The following CNNM2 variants were observed in gnomAD, a reference collection of about 807,000 sequenced individuals.
CNNM2 encodes cyclin and CBS domain divalent metal cation transport mediator 2.
A neutral mutation model predicts 66.9 loss-of-function variants in CNNM2; 12 were observed. The observed-to-expected ratio is 0.18, with a 90% CI of 0.11 to 0.29. The LOEUF (loss-of-function observed/expected upper bound fraction) is 0.29. CNNM2 is among the 10% of genes least tolerant of loss of function. The pLI, the probability that CNNM2 is intolerant of heterozygous loss-of-function variation, is 1.00. For missense variants in CNNM2, 705 were observed against 1,167.7 expected, an observed-to-expected ratio of 0.60 and a Z score of 5.77; for synonymous variants, 557 against 501.8, an observed-to-expected ratio of 1.11 and a Z score of -1.47.
intron 1 of CNNM2, among the ~76,000 whole-genome samples, chr10:103,013,768 G>C (rs919767469): frequency 6.6e-6 from 1 of 152,210 alleles, no homozygotes; most frequent in Non-Finnish European, 1.5e-5. Flanking sequence ...GATTGAATGA[G>C]TTAAGGTTGT....
chr10:102,968,329 C>G (rs2063497326), intron 1 of CNNM2, among the ~76,000 whole-genome samples: 1 of 152,138 alleles, frequency 6.6e-6, no homozygotes, highest in Admixed American at 6.6e-5. Context: ...TGACTGTAAC[C>G]TCTGCCTCCT....
intron 1 of CNNM2, among the ~76,000 whole-genome samples, chr10:102,950,981 C>CTTTTTTTTTTTT (rs34870588): frequency 1.2e-5 from 1 of 80,458 alleles, no homozygotes; most frequent in African/African-American, 5.0e-5. Context: ...CTTTCTTTCT[C>CTTTTTTTTTTTT]TTTTTTTTTT....
At chr10:102,932,656 G>A (rs752928105) in intron 1 of CNNM2, among the ~76,000 whole-genome samples, 14 of 152,062 alleles carry the variant, frequency 9.2e-5, no homozygotes, top group Admixed American at 3.9e-4. Context: ...GGTGGCTCAC[G>A]CCTGTAATCC....
At chr10:102,983,868 C>T (rs762996476) in intron 1 of CNNM2, among the ~76,000 whole-genome samples, 17 of 151,926 alleles carry the variant, frequency 1.1e-4, no homozygotes, top group East Asian at 5.8e-4. Context: ...CAGGTTTGAG[C>T]GATCCTCCTG....
At chr10:102,957,593 G>C (rs1333209488) in intron 1 of CNNM2, among the ~76,000 whole-genome samples, 1 of 152,130 alleles carries the variant, frequency 6.6e-6, no homozygotes, top group Non-Finnish European at 1.5e-5. Flanking sequence ...TGTTTTTATA[G>C]TTGTCCGACT....
At chr10:103,073,504 G>A (rs2134367345) in intron 6 of CNNM2, among the ~76,000 whole-genome samples, 2 of 152,332 alleles carry the variant, frequency 1.3e-5, no homozygotes, top group South Asian at 4.1e-4. Flanking sequence ...GTCACTGCAT[G>A]TGCAAAACCT....
rs370000130 is a variant in CNNM2, at chr10:103,018,686, C to CTT, written c.1622-31001_1622-31000dup. On this transcript the variant is annotated intron_variant, in intron 1 of 7. Transcript: ENST00000369878. Reference sequence around the variant, plus strand: ...AGCAAGGTAAATATACTCTTCTTTCCTTTTTTTTTTTTTTTTTTTTTGAGA... The same window carrying CTT: ...AGCAAGGTAAATATACTCTTCTTTCCTTTTTTTTTTTTTTTTTTTTTTTGAGA... Among the ~76,000 whole-genome samples the CTT allele has an allele frequency of 4.0e-4, 47 of 116,270 alleles. 1 individual carries two copies. Among genetic ancestry groups the CTT allele is most frequent in the Middle Eastern group, 5.6e-3 (1 of 180 alleles). The allele number at this position is 116,270 out of a possible 152,430, so 76.3% of individuals were successfully genotyped here.
At chr10:102,932,095 T>C (rs1300967771) in intron 1 of CNNM2, among the ~76,000 whole-genome samples, 1 of 152,228 alleles carries the variant, frequency 6.6e-6, no homozygotes, top group Admixed American at 6.5e-5. Flanking sequence ...GTCAGATATA[T>C]GATTTGCAAA....
intron 4 of CNNM2, among the ~76,000 whole-genome samples, chr10:103,059,900 G>A (rs1400474723): frequency 6.6e-6 from 1 of 152,196 alleles, no homozygotes; most frequent in Admixed American, 6.5e-5. Context: ...CCAGAACTTT[G>A]GGAGGTCAAG....
In CNNM2 at chr10:103,034,118, A is replaced by AT. The variant is rs1364052773; in HGVS notation, c.1622-15583dup. 3.3e-5 allele frequency among the ~76,000 whole-genome samples: 5 copies of AT among 151,956 alleles called. No individual in the cohort carries two copies. In the East Asian group the frequency reaches 9.7e-4, roughly 29 times the overall value. On this transcript the variant is annotated intron_variant, in intron 1 of 7. Transcript: ENST00000369878. Reference sequence around the variant, plus strand: ...TTAATTTTCCTTCTAATATCCAGAGATTTTTTGGGAGGGGGATAATCTTGA... The same window carrying AT: ...TTAATTTTCCTTCTAATATCCAGAGATTTTTTTGGGAGGGGGATAATCTTGA...
At chr10:103,032,004 AAGCCTGC>A (rs1193638283) in intron 1 of CNNM2, among the ~76,000 whole-genome samples, 1 of 152,246 alleles carries the variant, frequency 6.6e-6, no homozygotes, top group African/African-American at 2.4e-5. Context: ...AAGCCACTGC[AAGCCTGC>A]GTGAACTAGT....
intron 1 of CNNM2, among the ~76,000 whole-genome samples, chr10:102,986,753 C>T (rs1217437731): frequency 3.9e-5 from 5 of 127,680 alleles, no homozygotes; most frequent in South Asian, 5.1e-4. Context: ...GCACTCCAGC[C>T]GGGGTGACAG....
intron 1 of CNNM2, among the ~76,000 whole-genome samples, chr10:102,994,989 T>G (rs1260666106): frequency 6.6e-6 from 1 of 151,988 alleles, no homozygotes; most frequent in Non-Finnish European, 1.5e-5. Context: ...AAATGTTCCT[T>G]TCTTCTTCAT....
rs555238868 is a variant in CNNM2, at chr10:102,951,133, G to A, written c.1621+31032G>A. Among the ~76,000 whole-genome samples the A allele has an allele frequency of 3.3e-5, 5 of 151,576 alleles. No individual in the cohort carries two copies. In the East Asian group the frequency reaches 5.8e-4, roughly 18 times the overall value. On this transcript the variant is annotated intron_variant, in intron 1 of 7. Coordinates refer to ENST00000369878, the MANE Select transcript of CNNM2 (RefSeq NM_017649.5). ...CTCCCAAGTAGCTGGGACTACAGGC[G>A]CCTGCCACCATAGCTGGCTAATTTT...
At chr10:102,924,280 T>G (rs1409202088) in intron 1 of CNNM2, among the ~76,000 whole-genome samples, 2 of 152,228 alleles carry the variant, frequency 1.3e-5, no homozygotes, top group Non-Finnish European at 2.9e-5. Flanking sequence ...CACCAAGTTG[T>G]CTATGCTGAG....
chr10:103,000,870 T>A lies in CNNM2; in HGVS notation c.1622-48837T>A, dbSNP rs145957634. On this transcript the variant is annotated intron_variant, in intron 1 of 7. Coordinates refer to ENST00000369878, the MANE Select transcript of CNNM2 (RefSeq NM_017649.5). ...CTGGGATTGCAGGCATGAGCCACTG[T>A]ACCTGGCCTGTACACCATGTTTATA... Among the ~76,000 whole-genome samples, 52 of 152,326 alleles carry A rather than the reference T, an allele frequency of 3.4e-4. No individual in the cohort carries two copies. The East Asian group carries it at 9.4e-3, about 28-fold the overall frequency.
intron 1 of CNNM2, among the ~76,000 whole-genome samples, chr10:103,025,619 T>G (rs1035001069): frequency 6.6e-6 from 1 of 152,260 alleles, no homozygotes; most frequent in East Asian, 1.9e-4. Flanking sequence ...TTGGGCTTAC[T>G]GATTCGTGTT....
chr10:103,003,439 A>G (rs2064163913), intron 1 of CNNM2, among the ~76,000 whole-genome samples: 1 of 152,154 alleles, frequency 6.6e-6, no homozygotes, highest in African/African-American at 2.4e-5. Context: ...TTTTAAGTGA[A>G]CTTTTAAATT....
intron 2 of CNNM2, among the ~76,000 whole-genome samples, chr10:103,050,947 AT>A (rs577623221): frequency 2.8e-4 from 43 of 152,176 alleles, no homozygotes; most frequent in Non-Finnish European, 5.1e-4. Flanking sequence ...CAAGGGTTCC[AT>A]AAAGCCAGAG....
Sources: allele counts gnomAD v4.1 joint callset (sites outside exome capture counted in the v4.1 genomes callset), GRCh38; gene constraint gnomAD v4.1.1; transcripts MANE v1.5; gene names NCBI Gene and HGNC (gene_info 2026-07-23, HGNC 2026-07-21).